The following ZNF883 variants were observed in gnomAD, a reference collection of about 807,000 sequenced individuals.
The protein encoded by ZNF883 is zinc finger protein 883.
downstream of ZNF883, among the ~76,000 whole-genome samples, chr9:112,995,648 TA>T (rs1047163438): frequency 5.9e-5 from 9 of 152,030 alleles, no homozygotes; most frequent in Non-Finnish European, 8.8e-5. Flanking sequence ...TTTCTAACTT[TA>T]AAAAAAGTCA....
At chr9:112,999,341 C>A (rs892178079), upstream of ZNF883, among the ~76,000 whole-genome samples, 1 of 152,138 alleles carries the variant, frequency 6.6e-6, no homozygotes, top group Admixed American at 6.5e-5. Context: ...CTATTCTTCT[C>A]TATAACTCAT....
chr9:112,997,584 G>C (rs1434661613), exon 1 of ZNF883: 1 of 1,613,722 alleles, frequency 6.2e-7, no homozygotes, highest in East Asian at 2.2e-5. Context: ...CTTTGATGTT[G>C]AATGAAGGCT....
chr9:112,995,877 T>C (rs1335173866), downstream of ZNF883, among the ~76,000 whole-genome samples: 2 of 152,160 alleles, frequency 1.3e-5, no homozygotes, highest in African/African-American at 4.8e-5. Flanking sequence ...CTTGGATTTT[T>C]TGTCCTTTTC....
intron 2 of ZNF883, among the ~76,000 whole-genome samples, chr9:113,008,518 T>C (rs1828500503): frequency 6.6e-6 from 1 of 152,166 alleles, no homozygotes; most frequent in South Asian, 2.1e-4. Context: ...TCAAGAATGA[T>C]AGAAACATTA....
chr9:113,002,001 G>A (rs1828430557), upstream of ZNF883: 1 of 152,136 alleles, frequency 6.6e-6, no homozygotes, highest in Admixed American at 6.5e-5. Flanking sequence ...CACCCAATGA[G>A]ATGAGGCTGT....
At chr9:112,996,618 C>T (rs1469686998), downstream of ZNF883, among the ~76,000 whole-genome samples, 3 of 149,646 alleles carry the variant, frequency 2.0e-5, no homozygotes, top group East Asian at 2.0e-4. Context: ...GGTGAAACCC[C>T]GTCTCTACTA....
At chr9:112,990,855 C>A (rs1270301916) in intron 1 of ZNF883, among the ~76,000 whole-genome samples, 1 of 152,040 alleles carries the variant, frequency 6.6e-6, no homozygotes, top group Non-Finnish European at 1.5e-5. Flanking sequence ...GTGTATGTGT[C>A]CAGGAATGTA....
chr9:112,997,384 G>A (rs766610688), exon 1 of ZNF883: 20 of 1,613,802 alleles, frequency 1.2e-5, no homozygotes, highest in Admixed American at 1.2e-4. Context: ...TACATTGATA[G>A]GGTTTCACAC....
exon 1 of ZNF883, chr9:112,997,189 G>T (rs368174151): frequency 2.5e-6 from 4 of 1,613,464 alleles, no homozygotes; most frequent in African/African-American, 2.7e-5. Flanking sequence ...TATGACAAAA[G>T]ACATCACCAC....
At chr9:112,995,738 AT>A (rs1828347145), downstream of ZNF883, among the ~76,000 whole-genome samples, 1 of 152,134 alleles carries the variant, frequency 6.6e-6, no homozygotes, top group Non-Finnish European at 1.5e-5. Flanking sequence ...GTAGATTTCT[AT>A]TTTTGAAATA....
intron 2 of ZNF883, among the ~76,000 whole-genome samples, chr9:113,009,993 T>TGGGA (rs1828516648): frequency 1.3e-5 from 2 of 152,252 alleles, no homozygotes; most frequent in Admixed American, 1.3e-4. Context: ...ATTTTCAACT[T>TGGGA]ACACATTTAC....
chr9:113,002,358 G>T (rs902920615), upstream of ZNF883, among the ~76,000 whole-genome samples: 20 of 152,230 alleles, frequency 1.3e-4, no homozygotes, highest in Middle Eastern at 6.8e-3. Context: ...GAAGCCTAAG[G>T]AGAAAATATA....
At chr9:112,989,583 A>G (rs1240336635) in intron 1 of ZNF883, among the ~76,000 whole-genome samples, 1 of 152,178 alleles carries the variant, frequency 6.6e-6, no homozygotes, top group Non-Finnish European at 1.5e-5. Context: ...CTTTTTGCAT[A>G]GGATTGTCTT....
exon 1 of ZNF883, chr9:112,997,772 C>T (rs1828377992): frequency 1.2e-6 from 2 of 1,613,754 alleles, no homozygotes; most frequent in Non-Finnish European, 1.7e-6. Flanking sequence ...TGTGCTGCGG[C>T]TGAAGGTTTT....
upstream of ZNF883, chr9:112,999,758 G>A (rs992977215): frequency 9.9e-5 from 15 of 152,270 alleles, no homozygotes; most frequent in Admixed American, 5.2e-4. Context: ...GGGGTATAGA[G>A]CTTCCACATC....
chr9:113,010,843 G>A (rs1297325486), intron 2 of ZNF883, among the ~76,000 whole-genome samples: 4 of 151,922 alleles, frequency 2.6e-5, no homozygotes, highest in Admixed American at 6.6e-5. Flanking sequence ...AAAATTAGCC[G>A]GGCGTGGTGG....
chr9:112,994,277 G>A (rs757726103), downstream of ZNF883, among the ~76,000 whole-genome samples: 19 of 149,550 alleles, frequency 1.3e-4, no homozygotes, highest in South Asian at 8.4e-4. Flanking sequence ...CAGGTGGGCC[G>A]TCACACCACC....
upstream of ZNF883, chr9:112,998,270 C>G: frequency 6.6e-7 from 1 of 1,510,308 alleles, no homozygotes; most frequent in Non-Finnish European, 8.8e-7. Flanking sequence ...CAGTACTGAA[C>G]TATGGCTTTA....
At chr9:113,001,974 A>G (rs1387050222), upstream of ZNF883, 1 of 152,152 alleles carries the variant, frequency 6.6e-6, no homozygotes, top group Non-Finnish European at 1.5e-5. Context: ...ATATTTTGGC[A>G]TTGGAGAAAC....
Sources: gnomAD v4.1 joint callset for allele counts (sites outside exome capture counted in the v4.1 genomes callset) on GRCh38, gnomAD v4.1.1 for gene constraint, MANE v1.5 for transcripts, NCBI Gene and HGNC (gene_info 2026-07-23, HGNC 2026-07-21) for gene names.